Variants in TRPM1 observed in about 807,000 individuals in gnomAD.
TRPM1 encodes the protein transient receptor potential cation channel subfamily M member 1.
Under a neutral mutation model 149.4 loss-of-function variants are expected in TRPM1, and 113 were observed. The ratio of observed to expected loss-of-function variants is 0.76; its 90% CI spans 0.65 to 0.88. The LOEUF (loss-of-function observed/expected upper bound fraction) is 0.88. Ranked by LOEUF, TRPM1 falls within the 40% of genes least tolerant of loss-of-function variation. The probability of loss-of-function intolerance (pLI) is 0.00; values close to 1 mark genes in which losing one functional copy is unlikely to be tolerated. For synonymous variants in TRPM1, 741 were observed against 759.5 expected (o/e 0.98, Z 0.40); for missense variants, 1,976 against 2,038.7 (o/e 0.97, Z 0.59).
At chr15:31,109,698 T>TA (rs71420547) in intron 1 of TRPM1, among the ~76,000 whole-genome samples, 21,028 of 122,910 alleles carry the variant, frequency 0.17, 2,051 homozygotes, top group Non-Finnish European at 0.23. Flanking sequence ...AGACTCTGTC[T>TA]AAAAAAAAAA....
intron 1 of TRPM1, among the ~76,000 whole-genome samples, chr15:31,091,356 T>C (rs1204427982): frequency 6.6e-6 from 1 of 152,254 alleles, no homozygotes; most frequent in East Asian, 1.9e-4. Flanking sequence ...TTGTGGACGA[T>C]GTCACTATCC....
At position 31,150,869 on chromosome 15, in the gene TRPM1, T is replaced by C. The variant is rs2036292827; in HGVS notation, c.54+10037A>G. Among the ~76,000 whole-genome samples the C allele has an allele frequency of 3.9e-5, 6 of 152,074 alleles. No individual in the cohort carries two copies. In the South Asian group the frequency reaches 1.2e-3, roughly 32 times the overall value. On this transcript the variant is annotated intron_variant, in intron 1 of 26. Coordinates refer to the TRPM1 transcript ENST00000542188. ...GTGACTTGCCCAGACATGCCTGCCA[T>C]GGAAAATTTCATCCCCTGACACATG...
intron 1 of TRPM1, among the ~76,000 whole-genome samples, chr15:31,156,137 T>C (rs955814345): frequency 2.9e-5 from 4 of 135,642 alleles, no homozygotes; most frequent in African/African-American, 1.1e-4. Context: ...GCGGAGGTTG[T>C]AGTGAGTCGA....
In TRPM1 at chr15:31,149,571, C is replaced by A. The variant is rs278354; in HGVS notation, c.54+11335G>T. Among the ~76,000 whole-genome samples the A allele has an allele frequency of 2.1e-5, 3 of 145,668 alleles. No homozygotes were observed. In the South Asian group the frequency reaches 6.5e-4, roughly 32 times the overall value. On this transcript the variant is annotated intron_variant, in intron 1 of 26. Coordinates refer to the TRPM1 transcript ENST00000542188. ...GACGGAGTCTTTCGCCCAGGCTGGA[C>A]TGCAGTGGCGCGATCTTGGCTCACT...
At chr15:31,108,157 CA>C (rs1456924039) in intron 1 of TRPM1, among the ~76,000 whole-genome samples, 3 of 92,134 alleles carry the variant, frequency 3.3e-5, no homozygotes, top group East Asian at 4.4e-4. Flanking sequence ...CACGCCTGTC[CA>C]ATTTTTTTTT....
Position 31,002,366 on chromosome 15 carries a change from T to C in TRPM1, c.4334A>G (p.Tyr1445Cys). 1 of 1,614,220 alleles carries C rather than the reference T, an allele frequency of 6.2e-7. No homozygotes were observed. The change falls in exon 28 of 28, where the codon TAT becomes TGT. Residue 1445 changes from tyrosine to cysteine, a missense_variant. This residue lies in a region of TRPM1 where 572 missense variants were observed against 578.9 expected (regional missense o/e 0.99). Transcript: ENST00000256552. ...YPLEETKITR[Y>C]FPDETINACK... is the part of the protein sequence containing the mutation. ...AGCATTGATCGTTTCATCGGGGAAA[T>C]AGCGTGTAATTTTGGTTTCTTCCAG...
At chr15:31,139,001 C>A (rs2036125402) in intron 1 of TRPM1, among the ~76,000 whole-genome samples, 1 of 152,010 alleles carries the variant, frequency 6.6e-6, no homozygotes, top group African/African-American at 2.4e-5. Context: ...TACCTATGAC[C>A]TTTTTTGTCT....
At chr15:31,088,169 T>G (rs1414179165) in intron 1 of TRPM1, among the ~76,000 whole-genome samples, 2 of 152,114 alleles carry the variant, frequency 1.3e-5, no homozygotes, top group Non-Finnish European at 2.9e-5. Flanking sequence ...TAAAGGTTTG[T>G]AACGCACCAA....
At chr15:31,082,780 G>A (rs1025759715) in intron 1 of TRPM1, among the ~76,000 whole-genome samples, 6 of 152,198 alleles carry the variant, frequency 3.9e-5, no homozygotes, top group African/African-American at 2.4e-5. Flanking sequence ...TCAGGTGCAC[G>A]TTGTCATGTT....
intron 5 of TRPM1, among the ~76,000 whole-genome samples, chr15:31,067,622 G>A (rs1037209391): frequency 1.3e-5 from 2 of 152,142 alleles, no homozygotes; most frequent in African/African-American, 4.8e-5. Flanking sequence ...ACAGGGCTCA[G>A]TTCAAGGAAT....
exon 1 of TRPM1, chr15:31,161,044 C>T (rs2036438721): frequency 1.5e-6 from 2 of 1,374,156 alleles, no homozygotes; most frequent in African/African-American, 2.8e-5. Context: ...CCTGGGTGGG[C>T]AGGAGCGGAG....
At chr15:31,101,601 T>C in intron 1 of TRPM1, 56 bp downstream of exon 1, 1 of 963,904 alleles carries the variant, frequency 1.0e-6, no homozygotes, top group Non-Finnish European at 1.2e-6. Flanking sequence ...TACCCACACC[T>C]GAGGATACCT....
At chr15:31,022,873 TTA>T (rs2032595712) in intron 27 of TRPM1, among the ~76,000 whole-genome samples, 1 of 152,110 alleles carries the variant, frequency 6.6e-6, no homozygotes, top group Non-Finnish European at 1.5e-5. Flanking sequence ...ATAAAAAAAA[TTA>T]GCTGGGCGTG....
At chr15:31,025,227 C>T (rs960018436) in intron 27 of TRPM1, among the ~76,000 whole-genome samples, 3 of 152,166 alleles carry the variant, frequency 2.0e-5, no homozygotes, top group Non-Finnish European at 4.4e-5. Flanking sequence ...TCCTTCTGGC[C>T]ACGTTGTTAG....
chr15:31,146,987 CA>C (rs111397647), intron 1 of TRPM1, among the ~76,000 whole-genome samples: 352 of 136,444 alleles, frequency 2.6e-3, no homozygotes, highest in South Asian at 4.4e-3. Context: ...AATTCTGTCT[CA>C]AAAAAAAAAA....
chr15:31,050,821 C>T (rs1256194568), intron 11 of TRPM1, among the ~76,000 whole-genome samples: 1 of 152,180 alleles, frequency 6.6e-6, no homozygotes, highest in East Asian at 1.9e-4. Flanking sequence ...CTGAAGAAGG[C>T]TCTGATACTG....
intron 1 of TRPM1, among the ~76,000 whole-genome samples, chr15:31,109,333 C>CAAAAAAAAAA (rs36072024): frequency 1.2e-4 from 4 of 32,296 alleles, no homozygotes; most frequent in Non-Finnish European, 6.0e-5. Context: ...GACTCTGCCT[C>CAAAAAAAAAA]AAAAAAAAAA....
intron 1 of TRPM1, among the ~76,000 whole-genome samples, chr15:31,116,958 C>T (rs2035806764): frequency 6.6e-6 from 1 of 152,184 alleles, no homozygotes; most frequent in Admixed American, 6.5e-5. Context: ...CAAGAAAAGG[C>T]AGTGTGAAGA....
chr15:31,086,420 G>T (rs370312732), intron 1 of TRPM1, among the ~76,000 whole-genome samples: 14 of 152,364 alleles, frequency 9.2e-5, no homozygotes, highest in African/African-American at 3.4e-4. Flanking sequence ...CACAAGCTGC[G>T]CCTTGCAGAT....
Sources: gnomAD v4.1 joint callset for allele counts (sites outside exome capture counted in the v4.1 genomes callset) on GRCh38, gnomAD v4.1.1 for gene constraint, gnomAD v4.1.1 regional missense constraint, MANE v1.5 for transcripts, NCBI Gene and HGNC (gene_info 2026-07-23, HGNC 2026-07-21) for gene names.